Variants in MRPL51 observed in about 807,000 individuals in gnomAD.
MRPL51 encodes the protein large ribosomal subunit protein mL51.
Under a neutral mutation model 15.0 loss-of-function variants are expected in MRPL51, and 6 were observed. The observed-to-expected ratio is 0.40, with a 90% CI of 0.22 to 0.79. The LOEUF is 0.79. Among genes scored for constraint, MRPL51 ranks in the 30% least tolerant of loss-of-function variants. The pLI is 0.36. For synonymous variants in MRPL51, 65 were observed against 58.3 expected (o/e 1.11, Z -0.52); for missense variants, 155 against 166.4 (o/e 0.93, Z 0.38).
Position 6,492,394 on chromosome 12 carries a change from C to T in MRPL51, c.264G>A (p.Leu88=). 1 of 1,614,118 alleles carries T rather than the reference C, an allele frequency of 6.2e-7. No homozygotes were observed. Among genetic ancestry groups the T allele is most frequent in the East Asian group, 2.2e-5 (1 of 44,892 alleles). ...IWLRGWKGNE[L]QRCIRKRKMV... The stretch of plus-strand genomic sequence containing the variant: ...TTTTCCTCTTTCGGATACAACGTTG[C>T]AATTCATTCCCTTTCCAACCTCGAA... Residue 88 remains leucine, a synonymous_variant, in exon 3 of 3, where the codon TTG becomes TTA. Transcript: ENST00000229238.
At position 6,492,290 on chromosome 12, in the gene MRPL51, C is replaced by A. The variant is rs377366260; in HGVS notation, c.368G>T (p.Arg123Leu). 6.2e-7 allele frequency: 1 copy of A among 1,603,540 alleles called. No individual in the cohort carries two copies. The change falls in exon 3 of 3, where the codon CGA becomes CTA. Residue 123 changes from arginine (R) to leucine (L), a missense_variant. Coordinates refer to ENST00000229238, the MANE Select transcript of MRPL51 (RefSeq NM_016497.4). ...TCTCTTCTATCGAAACTTCCCATGT[C>A]GGTTAAAGTGTTTGTAGAGATAGCG... is the stretch of plus-strand genomic sequence containing the variant. ...RIRYLYKHFN[R>L]HGKFR is the part of the protein sequence containing the mutation.
Position 6,492,332 on chromosome 12 carries a change from T to C in MRPL51, c.326A>G (p.Asn109Ser), listed in dbSNP as rs1300250184. The C allele has an allele frequency of 6.2e-7, 1 of 1,614,046 alleles. No individual in the cohort carries two copies. The highest frequency in any genetic ancestry group is 8.5e-7 in the Non-Finnish European group (1 of 1,180,002). The change falls in exon 3 of 3, where the codon AAC becomes AGC. Residue 109 changes from asparagine to serine, a missense_variant. By Grantham distance (46) the Asn-to-Ser change is conservative. Coordinates refer to ENST00000229238, the MANE Select transcript of MRPL51 (RefSeq NM_016497.4). ...GAGATAGCGGATGCGTTTATTAAGG[T>C]TGTGCAGGTCATCAGCGAACATTCT... ...GSRMFADDLH[N>S]LNKRIRYLYK...
chr12:6,492,552 T>G (rs1945932411), intron 2 of MRPL51, 85 bp from the exon 3 acceptor site: 1 of 1,355,562 alleles, frequency 7.4e-7, no homozygotes, highest in Admixed American at 2.2e-5. Flanking sequence ...GGTTGCATCT[T>G]GCTGAGCAGC....
In MRPL51 at chr12:6,493,177, CAAG is replaced by C; in HGVS notation, c.-44_-42del. ...CCTTCAACAGCACACCAAATAAGCC[CAAG>C]AAGATGACAGGAACCGTCCCCGCCA... On this transcript the variant is annotated 5_prime_UTR_variant, in exon 1 of 3. Coordinates refer to ENST00000229238, the MANE Select transcript of MRPL51 (RefSeq NM_016497.4). 2.5e-6 allele frequency: 4 copies of C among 1,606,082 alleles called. No individual in the cohort carries two copies. The South Asian group carries it at 3.3e-5, about 13-fold the overall frequency.
Position 6,493,055 on chromosome 12 carries a change from T to C in MRPL51, c.79+3A>G, listed in dbSNP as rs761987739. On this transcript the variant is annotated splice_donor_region_variant and intron_variant, in intron 1 of 2. Coordinates refer to ENST00000229238, the MANE Select transcript of MRPL51 (RefSeq NM_016497.4). The stretch of plus-strand genomic sequence containing the variant: ...TATCGGGGTGCCTACATCAGCCACT[T>C]ACCAAGAGAGAAGCTTCTGCACGCC... 8.1e-6 allele frequency: 13 copies of C among 1,613,946 alleles called. No homozygotes were observed. Among genetic ancestry groups the C allele is most frequent in the Non-Finnish European group, 9.3e-6 (11 of 1,180,020 alleles).
Position 6,492,316 on chromosome 12 carries a change from G to C in MRPL51, c.342C>G (p.Ile114Met). The C allele has an allele frequency of 6.2e-7, 1 of 1,613,348 alleles. No homozygotes were observed. Among genetic ancestry groups the C allele is most frequent in the Non-Finnish European group, 8.5e-7 (1 of 1,179,778 alleles). The change falls in exon 3 of 3, where the codon ATC becomes ATG. Residue 114 changes from isoleucine to methionine, a missense_variant. Ile to Met is a conservative substitution (Grantham distance 10). Transcript: ENST00000229238. ...ADDLHNLNKR[I>M]RYLYKHFNRH... is the part of the protein sequence containing the mutation. ...GGTTAAAGTGTTTGTAGAGATAGCGGATGCGTTTATTAAGGTTGTGCAGGT... is the reference window on the plus strand; with the variant it reads ...GGTTAAAGTGTTTGTAGAGATAGCGCATGCGTTTATTAAGGTTGTGCAGGT...
chr12:6,492,659 T>C (rs1558334), intron 2 of MRPL51, among the ~76,000 whole-genome samples, 192 bp from the exon 3 acceptor site: 51,051 of 151,798 alleles, frequency 0.34, 9,156 homozygotes, highest in African/African-American at 0.46. Context: ...TTTATTAACT[T>C]TGGAAAAACT....
Position 6,493,117 on chromosome 12 carries a change from G to A in MRPL51, c.20C>T (p.Ser7Phe). Reference protein sequence around the residue: MAGNLLSGAGRRLWDWV... With the variant: MAGNLLFGAGRRLWDWV... ...GTCCCACAGGCGCCTACCTGCCCCG[G>A]ATAAGAGGTTCCCTGCCATTTCTCT... Residue 7 changes from serine to phenylalanine, a missense_variant, in exon 1 of 3, where the codon TCC becomes TTC. Physicochemically the swap from Ser to Phe is radical, Grantham distance 155. Transcript: ENST00000229238. The A allele has an allele frequency of 6.2e-7, 1 of 1,612,480 alleles. No homozygotes were observed.
chr12:6,492,529 G>C, intron 2 of MRPL51, 62 bp from the exon 3 acceptor site: 1 of 1,493,416 alleles, frequency 6.7e-7, no homozygotes, highest in East Asian at 2.3e-5. Flanking sequence ...CACCAGCTAA[G>C]CTTTCAACCC....
Position 6,492,159 on chromosome 12 carries a change from A to G in MRPL51, c.*112T>C. The G allele has an allele frequency of 8.7e-7, 1 of 1,148,332 alleles. No individual in the cohort carries two copies. The highest frequency in any genetic ancestry group is 1.2e-6 in the Non-Finnish European group (1 of 810,902). 71.1% of individuals were successfully genotyped at this position (1,148,332 alleles called of 1,614,324 possible). ...GTATGTGGCTATCAAATTCCAAAGA[A>G]GCCCCATTTTATTACAGAGAAAATA... is the stretch of plus-strand genomic sequence containing the variant. On this transcript the variant is annotated 3_prime_UTR_variant, in exon 3 of 3. Coordinates refer to ENST00000229238, the MANE Select transcript of MRPL51 (RefSeq NM_016497.4).
rs188723785 is a variant in MRPL51, at chr12:6,493,208, T to A, written c.-72A>T. 6.5e-7 allele frequency: 1 copy of A among 1,529,004 alleles called. No individual in the cohort carries two copies. Among genetic ancestry groups the A allele is most frequent in the Non-Finnish European group, 9.0e-7 (1 of 1,112,930 alleles). 94.7% of individuals were successfully genotyped at this position (1,529,004 alleles called of 1,614,324 possible). On this transcript the variant is annotated 5_prime_UTR_variant, in exon 1 of 3. It adds an upstream start codon to the 5' untranslated region. Transcript: ENST00000229238. Reference sequence around the variant, plus strand: ...GATGACAGGAACCGTCCCCGCCAACTTCACACGAGTACTAAGGCGAAGACA... The same window carrying A: ...GATGACAGGAACCGTCCCCGCCAACATCACACGAGTACTAAGGCGAAGACA...
intron 1 of MRPL51, 40 bp from the exon 2 acceptor site, chr12:6,493,012 A>G (rs1464182016): frequency 6.2e-7 from 1 of 1,613,724 alleles, no homozygotes. Flanking sequence ...TGAGCCGCCT[A>G]TTATACTACG....
rs1300234475 is a variant in MRPL51, at chr12:6,492,101, A to G, written c.*170T>C. The G allele has an allele frequency of 6.1e-6, 4 of 652,256 alleles. No homozygotes were observed. Among genetic ancestry groups the G allele is most frequent in the Non-Finnish European group, 1.0e-5 (4 of 391,286 alleles). 40.4% of individuals were successfully genotyped at this position (652,256 alleles called of 1,614,324 possible). A position where few individuals can be genotyped will look rare whatever the true frequency, so the allele number is the denominator to read the frequency against. ...GATGAGTCAAGACTTCATAGTCTAC[A>G]TGAGTAGAGGCAGCATCTAGAGGAA... On this transcript the variant is annotated 3_prime_UTR_variant, in exon 3 of 3. Coordinates refer to ENST00000229238, the MANE Select transcript of MRPL51 (RefSeq NM_016497.4).
chr12:6,493,126 T>C lies in MRPL51; in HGVS notation c.11A>G (p.Asn4Ser). ...GCGCCTACCTGCCCCGGATAAGAGGTTCCCTGCCATTTCTCTAGTCTCCCC... is the reference window on the plus strand; with the variant it reads ...GCGCCTACCTGCCCCGGATAAGAGGCTCCCTGCCATTTCTCTAGTCTCCCC... MAG[N>S]LLSGAGRRLW... The change falls in exon 1 of 3, where the codon AAC becomes AGC. Residue 4 changes from asparagine (N) to serine (S), a missense_variant. Transcript: ENST00000229238. The C allele has an allele frequency of 6.2e-7, 1 of 1,611,690 alleles. No individual in the cohort carries two copies. The highest frequency in any genetic ancestry group is 2.2e-5 in the East Asian group (1 of 44,876).
In MRPL51 at chr12:6,493,152, C is replaced by G. The variant is rs747390698; in HGVS notation, c.-16G>C. On this transcript the variant is annotated 5_prime_UTR_variant, in exon 1 of 3. Transcript: ENST00000229238. The stretch of plus-strand genomic sequence containing the variant: ...TCCCTGCCATTTCTCTAGTCTCCCC[C>G]CTTCAACAGCACACCAAATAAGCCC... 9 of 1,611,752 alleles carry G rather than the reference C, an allele frequency of 5.6e-6. No homozygotes were observed. Among genetic ancestry groups the G allele is most frequent in the Admixed American group, 3.3e-5 (2 of 59,980 alleles).
In MRPL51 at chr12:6,492,320, C is replaced by A; in HGVS notation, c.338G>T (p.Arg113Leu). 6.2e-7 allele frequency: 1 copy of A among 1,613,236 alleles called. No individual in the cohort carries two copies. Among genetic ancestry groups the A allele is most frequent in the Non-Finnish European group, 8.5e-7 (1 of 1,179,788 alleles). ...FADDLHNLNK[R>L]IRYLYKHFNR... Reference sequence around the variant, plus strand: ...AAAGTGTTTGTAGAGATAGCGGATGCGTTTATTAAGGTTGTGCAGGTCATC... The same window carrying A: ...AAAGTGTTTGTAGAGATAGCGGATGAGTTTATTAAGGTTGTGCAGGTCATC... Residue 113 changes from arginine to leucine, a missense_variant, in exon 3 of 3, where the codon CGC becomes CTC. Coordinates refer to ENST00000229238, the MANE Select transcript of MRPL51 (RefSeq NM_016497.4).
chr12:6,492,093 T>G lies in MRPL51; in HGVS notation c.*178A>C. The G allele has an allele frequency of 1.6e-6, 1 of 617,856 alleles. No homozygotes were observed. Among genetic ancestry groups the G allele is most frequent in the South Asian group, 2.3e-5 (1 of 43,294 alleles). 38.3% of individuals were successfully genotyped at this position (617,856 alleles called of 1,614,324 possible). A position where few individuals can be genotyped will look rare whatever the true frequency, so the allele number is the denominator to read the frequency against. On this transcript the variant is annotated 3_prime_UTR_variant, in exon 3 of 3. Transcript: ENST00000229238. Reference sequence around the variant, plus strand: ...AGATCTAGGATGAGTCAAGACTTCATAGTCTACATGAGTAGAGGCAGCATC... The same window carrying G: ...AGATCTAGGATGAGTCAAGACTTCAGAGTCTACATGAGTAGAGGCAGCATC...
Position 6,492,433 on chromosome 12 carries a change from C to A in MRPL51, c.225G>T (p.Arg75Ser). The part of the protein sequence containing the change: ...NFEKHPKELI[R>S]GPIWLRGWKG... ...TCCAACCTCGAAGCCATATGGGCCC[C>A]CTGATCAGTTCTTTGGGGTGCTTTT... Residue 75 changes from arginine to serine, a missense_variant, in exon 3 of 3, where the codon AGG (arginine) becomes AGT (serine). Physicochemically the swap from Arg to Ser is moderately radical, Grantham distance 110 (BLOSUM62 -1). Coordinates refer to ENST00000229238, the MANE Select transcript of MRPL51 (RefSeq NM_016497.4). 6.2e-7 allele frequency: 1 copy of A among 1,612,680 alleles called. No individual in the cohort carries two copies. Among genetic ancestry groups the A allele is most frequent in the African/African-American group, 1.3e-5 (1 of 74,922 alleles).
intron 2 of MRPL51, 82 bp downstream of exon 2, chr12:6,492,778 ACT>A (rs1278580386): frequency 4.5e-6 from 6 of 1,340,338 alleles, no homozygotes; most frequent in South Asian, 2.4e-5. Flanking sequence ...GCACAGTACC[ACT>A]CTCTACACAG....
Sources: gnomAD v4.1 joint callset for allele counts (sites outside exome capture counted in the v4.1 genomes callset) on GRCh38, gnomAD v4.1.1 for gene constraint, MANE v1.5 for transcripts, NCBI Gene and HGNC (gene_info 2026-07-23, HGNC 2026-07-21) for gene names.